The following CD99L2 variants were observed in gnomAD, a reference collection of about 807,000 sequenced individuals.
The protein encoded by CD99L2 is CD99 antigen-like protein 2.
In CD99L2, 24 loss-of-function variants were observed where a neutral mutation model predicts 27.3. That is an observed-to-expected ratio of 0.88 (90% CI 0.64 to 1.24). The LOEUF is 1.24. CD99L2 is among the 50% of genes most tolerant of loss of function. The probability of loss-of-function intolerance (pLI) is 0.00; values close to 1 mark genes in which losing one functional copy is unlikely to be tolerated. For missense variants in CD99L2, 255 were observed against 221.6 expected (o/e 1.15, Z -0.96); for synonymous variants, 97 against 87.9 (o/e 1.10, Z -0.58).
intron 2 of CD99L2, among the ~76,000 whole-genome samples, chrX:150,817,753 T>C: frequency 9.0e-6 from 1 of 111,491 alleles, no homozygotes; most frequent in Non-Finnish European, 1.9e-5. Flanking sequence ...CTTGGGAATA[T>C]CAGGGAGGAG....
intron 4 of CD99L2, among the ~76,000 whole-genome samples, chrX:150,802,020 T>C (rs1320209237): frequency 8.9e-6 from 1 of 112,097 alleles, no homozygotes; most frequent in African/African-American, 3.2e-5. Flanking sequence ...TTACCACTCT[T>C]ATTTAATATG....
chrX:150,777,617 C>A, intron 7 of CD99L2, 135 bp from the exon 8 acceptor site: 1 of 630,403 alleles, frequency 1.6e-6, no homozygotes, highest in Non-Finnish European at 2.4e-6. Context: ...GTGGATCACC[C>A]GTAGGCTTCT....
chrX:150,794,218 G>C (rs191034145), intron 6 of CD99L2, among the ~76,000 whole-genome samples: 297 of 111,464 alleles, frequency 2.7e-3, no homozygotes, highest in Non-Finnish European at 4.3e-3. Flanking sequence ...CCGTCTGTTG[G>C]TCATTCTCCT....
chrX:150,837,992 G>T, intron 1 of CD99L2, among the ~76,000 whole-genome samples: 1 of 112,196 alleles, frequency 8.9e-6, no homozygotes, highest in African/African-American at 3.2e-5. Flanking sequence ...TACCTGAGCC[G>T]GGTGACCAAG....
chrX:150,863,000 G>A (rs2047003852), intron 1 of CD99L2, among the ~76,000 whole-genome samples: 1 of 112,354 alleles, frequency 8.9e-6, no homozygotes, highest in Admixed American at 9.4e-5. Context: ...AACCTTTAAC[G>A]TCACATTTTC....
chrX:150,823,578 G>A (rs1395092589), intron 2 of CD99L2, among the ~76,000 whole-genome samples: 1 of 111,788 alleles, frequency 8.9e-6, no homozygotes, highest in Non-Finnish European at 1.9e-5. Context: ...GAGCCACCAC[G>A]CCCAGCTGAA....
intron 2 of CD99L2, chrX:150,816,311 C>T (rs2046154731): frequency 2.6e-6 from 1 of 388,048 alleles, no homozygotes; most frequent in Admixed American, 4.3e-5. Context: ...GTGAGGTGGA[C>T]ATGGTCTCAC....
intron 2 of CD99L2, among the ~76,000 whole-genome samples, chrX:150,818,051 C>CATAATAATTTTAAATAAAAAAAAAAA (rs1557420581): frequency 0.093 from 8,626 of 92,966 alleles, 451 homozygotes; most frequent in Middle Eastern, 0.14. Flanking sequence ...AAGAGGAAGA[C>CATAATAATTTTAAATAAAAAAAAAAA]ATAATAATTT....
intron 1 of CD99L2, among the ~76,000 whole-genome samples, chrX:150,871,471 G>A (rs907124037): frequency 1.8e-5 from 2 of 112,082 alleles, no homozygotes; most frequent in African/African-American, 6.5e-5. Context: ...ATCAAAGCTG[G>A]AGGAGCCGAA....
intron 2 of CD99L2, among the ~76,000 whole-genome samples, chrX:150,824,683 AGAAGAG>A (rs1215986242): frequency 7.2e-5 from 3 of 41,884 alleles, no homozygotes; most frequent in Admixed American, 3.0e-4. Flanking sequence ...AGGAAGAAGA[AGAAGAG>A]GAAGAGGAAG....
chrX:150,766,925 C>G lies in CD99L2; in HGVS notation c.*2109G>C, dbSNP rs41313412. 1 of 111,691 alleles carries G rather than the reference C, an allele frequency of 9.0e-6. No individual in the cohort carries two copies. Among genetic ancestry groups the G allele is most frequent in the African/African-American group, 3.3e-5 (1 of 30,710 alleles). 9.2% of individuals were successfully genotyped at this position (111,691 alleles called of 1,213,427 possible). Reference sequence around the variant, plus strand: ...GGCTTTGTGCAGAAAGCACCCGGGGCGGGGGGCGGTAAGGGAGAGCAAAAT... The same window carrying G: ...GGCTTTGTGCAGAAAGCACCCGGGGGGGGGGGCGGTAAGGGAGAGCAAAAT... On this transcript the variant is annotated 3_prime_UTR_variant, in exon 11 of 11. Coordinates refer to ENST00000370377, the MANE Select transcript of CD99L2 (RefSeq NM_031462.4).
At chrX:150,773,211 G>A (rs1185087656) in intron 9 of CD99L2, among the ~76,000 whole-genome samples, 5 of 112,108 alleles carry the variant, frequency 4.5e-5, no homozygotes, top group African/African-American at 1.6e-4. Context: ...TGGGGAAACT[G>A]AGGGCCCAGC....
chrX:150,887,320 C>A (rs1036905063), intron 1 of CD99L2, among the ~76,000 whole-genome samples: 2 of 109,229 alleles, frequency 1.8e-5, no homozygotes, highest in African/African-American at 6.7e-5. Context: ...GTGGCGCATG[C>A]CTGTAATCGC....
chrX:150,778,105 T>C (rs781796305), intron 7 of CD99L2, among the ~76,000 whole-genome samples: 5 of 111,040 alleles, frequency 4.5e-5, no homozygotes, highest in Non-Finnish European at 7.5e-5. Flanking sequence ...GGTGACAGAC[T>C]GTTCTGTATA....
At chrX:150,855,291 C>T in intron 1 of CD99L2, among the ~76,000 whole-genome samples, 1 of 111,879 alleles carries the variant, frequency 8.9e-6, no homozygotes, top group East Asian at 2.8e-4. Flanking sequence ...TGTATTAGTC[C>T]ATTCTTGCCT....
intron 1 of CD99L2, among the ~76,000 whole-genome samples, chrX:150,855,395 G>C (rs1557421708): frequency 9.0e-6 from 1 of 111,614 alleles, no homozygotes; most frequent in African/African-American, 3.3e-5. Flanking sequence ...GCATGGCTGG[G>C]GAGGCCTCAG....
At chrX:150,872,049 A>G (rs1460959895) in intron 1 of CD99L2, among the ~76,000 whole-genome samples, 2 of 110,836 alleles carry the variant, frequency 1.8e-5, no homozygotes, top group African/African-American at 6.6e-5. Context: ...TGGGCAATGT[A>G]GGGAGACCCT....
chrX:150,866,714 G>A (rs2047067260), intron 1 of CD99L2, among the ~76,000 whole-genome samples: 1 of 112,114 alleles, frequency 8.9e-6, no homozygotes, highest in African/African-American at 3.2e-5. Flanking sequence ...GAATTATAAT[G>A]TGCTCAACAC....
chrX:150,858,180 A>G (rs2046922511), intron 1 of CD99L2, among the ~76,000 whole-genome samples: 1 of 112,565 alleles, frequency 8.9e-6, no homozygotes, highest in African/African-American at 3.2e-5. Flanking sequence ...ATATATGCAT[A>G]TAACACTGGA....
Sources: gnomAD v4.1 joint callset for allele counts (sites outside exome capture counted in the v4.1 genomes callset) on GRCh38, gnomAD v4.1.1 for gene constraint, MANE v1.5 for transcripts, NCBI Gene and HGNC (gene_info 2026-07-23, HGNC 2026-07-21) for gene names.